NPR3: variants seen among roughly 807,000 people sequenced by gnomAD.
NPR3 encodes atrial natriuretic peptide receptor 3.
A neutral mutation model predicts 54.5 loss-of-function variants in NPR3; 34 were observed. That is an observed-to-expected ratio of 0.62 (90% CI 0.47 to 0.83). NPR3 has a LOEUF of 0.83. Among genes scored for constraint, NPR3 ranks in the 40% least tolerant of loss-of-function variants. The probability of loss-of-function intolerance (pLI) is 0.00; values close to 1 mark genes in which losing one functional copy is unlikely to be tolerated. For missense variants in NPR3, 674 were observed against 720.8 expected (o/e 0.94, Z 0.74); for synonymous variants, 289 against 297.1 (o/e 0.97, Z 0.28).
At chr5:32,744,180 A>T (rs962110894) in intron 3 of NPR3, among the ~76,000 whole-genome samples, 1 of 151,636 alleles carries the variant, frequency 6.6e-6, no homozygotes. Flanking sequence ...TTTAGTAGAG[A>T]TGGGGTTTCA....
At chr5:32,766,023 A>G (rs1483765786) in intron 3 of NPR3, among the ~76,000 whole-genome samples, 1 of 152,150 alleles carries the variant, frequency 6.6e-6, no homozygotes, top group Admixed American at 6.5e-5. Flanking sequence ...CTGGTCTGGG[A>G]GAGCAGCCCC....
At chr5:32,713,405 A>G (rs1362024910) in intron 1 of NPR3, 23 of 985,290 alleles carry the variant, frequency 2.3e-5, no homozygotes, top group Non-Finnish European at 2.7e-5. Flanking sequence ...GGGGACGCGG[A>G]CGTGTAATCG....
chr5:32,747,038 T>G (rs1018808734), intron 3 of NPR3, among the ~76,000 whole-genome samples: 1 of 152,206 alleles, frequency 6.6e-6, no homozygotes, highest in Admixed American at 6.5e-5. Context: ...CCCAATATAA[T>G]GAATTAAAAA....
At chr5:32,768,064 C>T (rs186018809) in intron 3 of NPR3, among the ~76,000 whole-genome samples, 50 of 152,324 alleles carry the variant, frequency 3.3e-4, no homozygotes, top group African/African-American at 1.2e-3. Flanking sequence ...CCTGATCCTG[C>T]TCCTCTTCCC....
At position 32,712,108 on chromosome 5, in the gene NPR3, G is replaced by C; in HGVS notation, c.332G>C (p.Arg111Pro). ...VAYEDSDCGN[R>P]ALFSLVDRVA... is the part of the protein sequence containing the mutation. Reference sequence around the variant, plus strand: ...TACGAGGATTCAGACTGTGGGAACCGTGCGCTCTTCAGCTTGGTGGACCGC... The same window carrying C: ...TACGAGGATTCAGACTGTGGGAACCCTGCGCTCTTCAGCTTGGTGGACCGC... Residue 111 changes from arginine (R) to proline (P), a missense_variant, in exon 1 of 8, where the codon CGT becomes CCT. Transcript: ENST00000265074. The C allele has an allele frequency of 6.2e-7, 1 of 1,613,752 alleles. No individual in the cohort carries two copies. Among genetic ancestry groups the C allele is most frequent in the Non-Finnish European group, 8.5e-7 (1 of 1,179,798 alleles).
At chr5:32,715,842 T>C (rs1738519687) in intron 1 of NPR3, among the ~76,000 whole-genome samples, 1 of 152,264 alleles carries the variant, frequency 6.6e-6, no homozygotes, top group Non-Finnish European at 1.5e-5. Flanking sequence ...TAGTTATTAG[T>C]ATGTCATTAA....
intron 3 of NPR3, among the ~76,000 whole-genome samples, chr5:32,771,740 C>T (rs1054975089): frequency 1.3e-5 from 2 of 152,130 alleles, no homozygotes; most frequent in African/African-American, 4.8e-5. Flanking sequence ...GAACAAGTAG[C>T]TTGCAGGGCA....
At chr5:32,741,875 A>G (rs1168284693) in intron 3 of NPR3, among the ~76,000 whole-genome samples, 1 of 151,624 alleles carries the variant, frequency 6.6e-6, no homozygotes, top group Non-Finnish European at 1.5e-5. Context: ...ACAGGTGCAC[A>G]CCACCACGCC....
chr5:32,721,499 CG>C (rs1276714517), intron 1 of NPR3, among the ~76,000 whole-genome samples: 1 of 152,042 alleles, frequency 6.6e-6, no homozygotes, highest in African/African-American at 2.4e-5. Context: ...GAAAATTAGC[CG>C]GGTGTGGTAA....
At chr5:32,703,478 T>A (rs1009220983) in intron 1 of NPR3, among the ~76,000 whole-genome samples, 2 of 152,094 alleles carry the variant, frequency 1.3e-5, no homozygotes, top group African/African-American at 4.8e-5. Flanking sequence ...AAAGCCAGCA[T>A]AGCCCTGGGT....
At position 32,789,628 on chromosome 5, in the gene NPR3, G is replaced by T. The variant is rs897357740; in HGVS notation, c.*3283G>T. The T allele has an allele frequency of 1.9e-6, 1 of 534,722 alleles. No individual in the cohort carries two copies. The allele number at this position is 534,722 out of a possible 1,614,324, so 33.1% of individuals were successfully genotyped here. A position where few individuals can be genotyped will look rare whatever the true frequency, so the allele number is the denominator to read the frequency against. The stretch of plus-strand genomic sequence containing the variant: ...ATGCCCTCACTTCTCCCTATTCACA[G>T]GCTTCTAAAATCATTAATTTACTCA... On this transcript the variant is annotated 3_prime_UTR_variant, in exon 8 of 8. Coordinates refer to ENST00000265074, the MANE Select transcript of NPR3 (RefSeq NM_001204375.2).
chr5:32,768,355 T>A (rs2112032257), intron 3 of NPR3, among the ~76,000 whole-genome samples: 1 of 152,318 alleles, frequency 6.6e-6, no homozygotes, highest in East Asian at 1.9e-4. Context: ...ACGAGAAGCA[T>A]CTGTATATGA....
At chr5:32,715,537 CT>C (rs200747583) in intron 1 of NPR3, among the ~76,000 whole-genome samples, 1,901 of 151,570 alleles carry the variant, frequency 0.013, 42 homozygotes, top group Admixed American at 0.054. Context: ...AATTTAAAAT[CT>C]TTTTTTTTCC....
In NPR3 at chr5:32,736,165, AG is replaced by A. The variant is rs200582936; in HGVS notation, c.893-2697del. Among the ~76,000 whole-genome samples, 73 of 146,622 alleles carry A rather than the reference AG, an allele frequency of 5.0e-4. 1 individual carries two copies. The East Asian group carries it at 0.01, about 21-fold the overall frequency. On this transcript the variant is annotated intron_variant, in intron 2 of 7. Transcript: ENST00000265074. ...AGAATTGCTTGAACCCTGGAGGCAA[AG>A]GTTGCAGTGAGCTGAGATCATGCCA...
chr5:32,693,452 G>A lies in NPR3; in HGVS notation c.100+4266G>A, dbSNP rs544469250. ...AGGATTGAAGAAAAAACTCCCTTACGGAGTTTACATTTTAATGGCTTAATG... is the reference window on the plus strand; with the variant it reads ...AGGATTGAAGAAAAAACTCCCTTACAGAGTTTACATTTTAATGGCTTAATG... On this transcript the variant is annotated intron_variant, in intron 1 of 5. Coordinates refer to the NPR3 transcript ENST00000509104. Among the ~76,000 whole-genome samples the A allele has an allele frequency of 3.5e-4, 54 of 152,160 alleles. 1 individual carries two copies. Among genetic ancestry groups the A allele is most frequent in the Non-Finnish European group, 6.6e-4 (45 of 68,006 alleles).
chr5:32,710,571 A>AC, upstream of NPR3: 1 of 1,365,782 alleles, frequency 7.3e-7, no homozygotes, highest in South Asian at 1.8e-5. Context: ...TCCAGCGCAA[A>AC]CCTGCGTGGC....
chr5:32,773,259 C>T (rs949546423), intron 3 of NPR3, among the ~76,000 whole-genome samples: 2 of 152,132 alleles, frequency 1.3e-5, no homozygotes, highest in African/African-American at 4.8e-5. Flanking sequence ...ACTTTTTGTA[C>T]AGAGTTTTTT....
chr5:32,763,030 A>G (rs904070083), intron 3 of NPR3, among the ~76,000 whole-genome samples: 3 of 152,184 alleles, frequency 2.0e-5, no homozygotes, highest in African/African-American at 7.2e-5. Context: ...GAAGGGGTCA[A>G]GTTTCAGTTT....
Position 32,743,987 on chromosome 5 carries a change from ATTTTTTTTTTT to A in NPR3, c.1059+4971_1059+4981del, listed in dbSNP as rs199604802. Reference sequence around the variant, plus strand: ...GGGGAAATCTATTCCATTCTGATGCATTTTTTTTTTTTTTTTTTTTTTTTGAGACAGAGTCT... The same window carrying A: ...GGGGAAATCTATTCCATTCTGATGCATTTTTTTTTTTTTGAGACAGAGTCT... On this transcript the variant is annotated intron_variant, in intron 3 of 7. Transcript: ENST00000265074. 1.4e-4 allele frequency among the ~76,000 whole-genome samples: 16 copies of A among 113,834 alleles called. No homozygotes were observed. The East Asian group carries it at 3.3e-3, about 24-fold the overall frequency. 74.7% of individuals were successfully genotyped at this position (113,834 alleles called of 152,430 possible).
Sources: allele counts gnomAD v4.1 joint callset (sites outside exome capture counted in the v4.1 genomes callset), GRCh38; gene constraint gnomAD v4.1.1; transcripts MANE v1.5; gene names NCBI Gene and HGNC (gene_info 2026-07-23, HGNC 2026-07-21).